The following CNOT1 variants were observed in gnomAD, a reference collection of about 807,000 sequenced individuals.
CNOT1 encodes CCR4-associated factor 1.
CNOT1 carries 15 observed loss-of-function variants against 273.8 expected under a neutral mutation model. The ratio of observed to expected loss-of-function variants is 0.05; its 90% confidence interval spans 0.04 to 0.08. The LOEUF is 0.08. Ranked by LOEUF, CNOT1 falls within the 10% of genes least tolerant of loss-of-function variation. The pLI is 1.00. For synonymous variants in CNOT1, 1,022 were observed against 1,005.5 expected, an observed-to-expected ratio of 1.02 and a Z score of -0.31; for missense variants, 1,644 against 2,912.2, an observed-to-expected ratio of 0.56 and a Z score of 10.02.
chr16:58,530,577 GT>G, intron 42 of CNOT1: 1 of 317,166 alleles, frequency 3.2e-6, no homozygotes, highest in Non-Finnish European at 5.8e-6. Flanking sequence ...GAAGTCAGGA[GT>G]TCGAGACCAG....
rs1320061053 is a variant in CNOT1, at chr16:58,542,145, C to T, written c.4680+86G>A. The T allele has an allele frequency of 2.7e-6, 4 of 1,503,078 alleles. No homozygotes were observed. The East Asian group carries it at 9.1e-5, about 34-fold the overall frequency. 93.1% of individuals were successfully genotyped at this position (1,503,078 alleles called of 1,614,324 possible). On this transcript the variant is annotated intron_variant, in intron 33 of 48. Transcript: ENST00000317147. ...CATAAACAATATTTAACCCTGCTGT[C>T]CTAATTCCAGTAAGGAGTTCAATCA...
chr16:58,554,002 GA>G, intron 21 of CNOT1, 142 bp from the exon 22 acceptor site: 1 of 1,188,822 alleles, frequency 8.4e-7, no homozygotes, highest in Non-Finnish European at 1.1e-6. Flanking sequence ...TCAAAGTGAA[GA>G]AAACAAAAAT....
intron 13 of CNOT1, 112 bp from the exon 14 acceptor site, chr16:58,576,694 T>C: frequency 1.4e-6 from 2 of 1,481,272 alleles, no homozygotes; most frequent in Non-Finnish European, 1.8e-6. Context: ...GGTATACCTG[T>C]GCTGACATTA....
chr16:58,610,353 C>T (rs1158302598), intron 1 of CNOT1, among the ~76,000 whole-genome samples: 1 of 152,190 alleles, frequency 6.6e-6, no homozygotes, highest in Non-Finnish European at 1.5e-5. Context: ...TTGCAGTGAG[C>T]TGAGATCACA....
At chr16:58,526,397 T>G (rs369246865) in intron 44 of CNOT1, among the ~76,000 whole-genome samples, 3 of 150,202 alleles carry the variant, frequency 2.0e-5, no homozygotes, top group East Asian at 3.9e-4. Flanking sequence ...TTTGCACAAC[T>G]AACTGATTTT....
intron 1 of CNOT1, among the ~76,000 whole-genome samples, chr16:58,612,149 A>G (rs926770390): frequency 6.6e-6 from 1 of 152,232 alleles, no homozygotes; most frequent in East Asian, 1.9e-4. Flanking sequence ...ACATCGATCT[A>G]AAGGCAGTTT....
Position 58,555,145 on chromosome 16 carries a change from C to T in CNOT1, c.2891+106G>A, listed in dbSNP as rs112889899. ...ATCACTTGAGCCCGCAAGGTCAAGG[C>T]TGCAGTGAGCCGAGATTGCGCCACT... On this transcript the variant is annotated intron_variant, in intron 21 of 48. Transcript: ENST00000317147. 3.3e-4 allele frequency: 496 copies of T among 1,490,798 alleles called. 2 individuals are homozygous for T. In the African/African-American group the frequency reaches 6.6e-3, roughly 20 times the overall value. 92.3% of individuals were successfully genotyped at this position (1,490,798 alleles called of 1,614,324 possible). A position where few individuals can be genotyped will look rare whatever the true frequency, so the allele number is the denominator to read the frequency against.
chr16:58,606,390 T>TA (rs5817156), intron 1 of CNOT1, among the ~76,000 whole-genome samples: 1 of 151,762 alleles, frequency 6.6e-6, no homozygotes, highest in Non-Finnish European at 1.5e-5. Flanking sequence ...CCCCGTCCCT[T>TA]AAAAAAACAA....
At chr16:58,585,189 A>T in intron 8 of CNOT1, 149 bp downstream of exon 8, 1 of 1,112,158 alleles carries the variant, frequency 9.0e-7, no homozygotes, top group African/African-American at 1.6e-5. Context: ...GCTGTCACAC[A>T]CACTAGTTCG....
intron 25 of CNOT1, among the ~76,000 whole-genome samples, chr16:58,548,972 A>G (rs1274082097): frequency 6.6e-6 from 1 of 152,226 alleles, no homozygotes; most frequent in African/African-American, 2.4e-5. Context: ...GTTTTCTACA[A>G]GACTATATTT....
chr16:58,534,617 A>G (rs958563642), intron 39 of CNOT1, among the ~76,000 whole-genome samples: 6 of 152,226 alleles, frequency 3.9e-5, no homozygotes, highest in Non-Finnish European at 8.8e-5. Flanking sequence ...GAAGATGGAA[A>G]CTGACAGACA....
intron 31 of CNOT1, chr16:58,543,179 A>C: frequency 6.9e-7 from 1 of 1,455,054 alleles, no homozygotes; most frequent in Non-Finnish European, 9.1e-7. Context: ...CTGAATTATT[A>C]ACCATGATAT....
rs1383661696 is a variant in CNOT1 at position 58,608,181 on chromosome 16, T to TA, written c.-174-8671dup. ...ACAGAGCTAGACTCTTGTCTCAATT[T>TA]AAAAAAAAAGAAAAAGAACATTTTA... On this transcript the variant is annotated intron_variant, in intron 1 of 48. Coordinates refer to ENST00000317147, the MANE Select transcript of CNOT1 (RefSeq NM_016284.5). Among the ~76,000 whole-genome samples the TA allele has an allele frequency of 4.7e-5, 7 of 149,146 alleles. No homozygotes were observed. The East Asian group carries it at 5.9e-4, about 13-fold the overall frequency.
chr16:58,590,144 T>A (rs896059051), intron 2 of CNOT1, among the ~76,000 whole-genome samples: 2 of 152,338 alleles, frequency 1.3e-5, no homozygotes, highest in Middle Eastern at 6.8e-3. Context: ...ACATACTACC[T>A]ACACGTTGGG....
intron 46 of CNOT1, 189 bp from the exon 47 acceptor site, chr16:58,523,691 A>T: frequency 2.1e-6 from 1 of 467,188 alleles, no homozygotes; most frequent in South Asian, 4.7e-5. Flanking sequence ...CCACATTAGA[A>T]ATTAGATTTT....
chr16:58,616,097 T>C lies in CNOT1; in HGVS notation c.-175+13631A>G, dbSNP rs779902070. Among the ~76,000 whole-genome samples the C allele has an allele frequency of 1.8e-4, 22 of 123,970 alleles. 6 individuals are homozygous for C. Among genetic ancestry groups the C allele is most frequent in the Non-Finnish European group, 3.6e-4 (19 of 52,182 alleles). 81.3% of individuals were successfully genotyped at this position (123,970 alleles called of 152,430 possible). On this transcript the variant is annotated intron_variant, in intron 1 of 48. Coordinates refer to ENST00000317147, the MANE Select transcript of CNOT1 (RefSeq NM_016284.5). ...TACCAAAAAAATAAAAAGTAAGAAA[T>C]TGCAATAACTCTTTTTGTTAGTTTT... is the stretch of plus-strand genomic sequence containing the variant.
At chr16:58,613,198 A>T (rs1290953205) in intron 1 of CNOT1, among the ~76,000 whole-genome samples, 2 of 151,376 alleles carry the variant, frequency 1.3e-5, no homozygotes, top group East Asian at 3.9e-4. Flanking sequence ...CGCCCAGCTA[A>T]TTTTTTTTTA....
chr16:58,607,675 G>A (rs761822164), intron 1 of CNOT1, among the ~76,000 whole-genome samples: 14 of 135,256 alleles, frequency 1.0e-4, no homozygotes, highest in East Asian at 2.1e-4. Flanking sequence ...TGCAGTGAGC[G>A]GAGATCATGC....
At chr16:58,589,394 C>T (rs576489711) in intron 2 of CNOT1, among the ~76,000 whole-genome samples, 2 of 152,148 alleles carry the variant, frequency 1.3e-5, no homozygotes, top group South Asian at 2.1e-4. Flanking sequence ...GTGCCTGTAA[C>T]CCCAGCTACT....
Sources: gnomAD v4.1 joint callset for allele counts (sites outside exome capture counted in the v4.1 genomes callset) on GRCh38, gnomAD v4.1.1 for gene constraint, MANE v1.5 for transcripts, NCBI Gene and HGNC (gene_info 2026-07-23, HGNC 2026-07-21) for gene names.